MCPH1: variants seen among roughly 807,000 people sequenced by gnomAD.
MCPH1 encodes microcephalin 1.
In MCPH1, 104 loss-of-function variants were observed where a neutral mutation model predicts 84.5. That is an observed-to-expected ratio of 1.23 (90% CI 1.05 to 1.45). MCPH1 has a LOEUF of 1.45. MCPH1 is among the 40% of genes most tolerant of loss of function. The pLI is 0.00. For synonymous variants in MCPH1, 514 were observed against 366.8 expected (o/e 1.40, Z -4.58); for missense variants, 1,498 against 1,005.7 (o/e 1.49, Z -6.62).
intron 3 of MCPH1, among the ~76,000 whole-genome samples, chr8:6,429,314 C>T (rs934152017): frequency 2.6e-5 from 4 of 152,150 alleles, no homozygotes; most frequent in African/African-American, 9.7e-5. Context: ...CCCCATTGGA[C>T]ACAGGGTGGC....
At chr8:6,554,596 T>C (rs1419912455) in intron 12 of MCPH1, among the ~76,000 whole-genome samples, 1 of 152,244 alleles carries the variant, frequency 6.6e-6, no homozygotes, top group Non-Finnish European at 1.5e-5. Flanking sequence ...GTTTTTAAAA[T>C]AGTAAAATAT....
chr8:6,492,636 TTAA>T (rs1367169650), intron 11 of MCPH1, among the ~76,000 whole-genome samples: 2 of 148,238 alleles, frequency 1.3e-5, no homozygotes, highest in Non-Finnish European at 3.0e-5. Flanking sequence ...TAACAATTAT[TTAA>T]TAATATTAAT....
chr8:6,558,453 A>G (rs1057021267), intron 12 of MCPH1, among the ~76,000 whole-genome samples: 1 of 152,174 alleles, frequency 6.6e-6, no homozygotes, highest in Non-Finnish European at 1.5e-5. Flanking sequence ...CAATTATTTT[A>G]TGGATTAAAA....
In MCPH1 at chr8:6,592,614, C is replaced by CTTTTTT. The variant is rs1252024553; in HGVS notation, c.2215-28837_2215-28832dup. On this transcript the variant is annotated intron_variant, in intron 12 of 13. Transcript: ENST00000344683. ...GTCATCTAGGCTCTCGTTTTTCTTT[C>CTTTTTT]TTTTTTTTGTTTTTTTTTTTTTTTT... Among the ~76,000 whole-genome samples, 133 of 65,438 alleles carry CTTTTTT rather than the reference C, an allele frequency of 2.0e-3. 6 individuals are homozygous for CTTTTTT. The highest frequency in any genetic ancestry group is 5.0e-3 in the East Asian group (7 of 1,392). The allele number at this position is 65,438 out of a possible 152,430, so 42.9% of individuals were successfully genotyped here.
intron 8 of MCPH1, among the ~76,000 whole-genome samples, chr8:6,447,689 A>G (rs1804602148): frequency 6.6e-6 from 1 of 152,104 alleles, no homozygotes; most frequent in South Asian, 2.1e-4. Context: ...AACTGGGATT[A>G]CAGGCACCCA....
At chr8:6,447,475 A>T (rs188613879) in intron 8 of MCPH1, 1 of 945,352 alleles carries the variant, frequency 1.1e-6, no homozygotes, top group African/African-American at 1.8e-5. Context: ...AGGCTTCAAA[A>T]ACAAGTTACA....
At chr8:6,624,456 T>C (rs1013213666) in intron 13 of MCPH1, among the ~76,000 whole-genome samples, 1 of 152,196 alleles carries the variant, frequency 6.6e-6, no homozygotes, top group Non-Finnish European at 1.5e-5. Context: ...TCCAGTGTAG[T>C]AGACCTCTCC....
intron 12 of MCPH1, among the ~76,000 whole-genome samples, chr8:6,534,029 C>T (rs1820036200): frequency 6.6e-6 from 1 of 152,252 alleles, no homozygotes; most frequent in South Asian, 2.1e-4. Context: ...TGCCCCACTT[C>T]TCTAAGCTCC....
chr8:6,599,621 T>G (rs1246926736), intron 12 of MCPH1, among the ~76,000 whole-genome samples: 1 of 152,226 alleles, frequency 6.6e-6, no homozygotes, highest in African/African-American at 2.4e-5. Flanking sequence ...GTTCAGAAGC[T>G]TAGTACACAC....
chr8:6,478,519 A>G (rs891037310), intron 10 of MCPH1, among the ~76,000 whole-genome samples: 11 of 152,352 alleles, frequency 7.2e-5, no homozygotes, highest in African/African-American at 2.6e-4. Flanking sequence ...TTTAAAAATA[A>G]AACTTTTCAT....
intron 9 of MCPH1, among the ~76,000 whole-genome samples, chr8:6,472,744 AG>A (rs1807911357): frequency 6.6e-6 from 1 of 152,218 alleles, no homozygotes; most frequent in Admixed American, 6.5e-5. Flanking sequence ...CTGGAATTAC[AG>A]GGATAAGCCA....
At chr8:6,413,637 T>C (rs908616742) in intron 2 of MCPH1, among the ~76,000 whole-genome samples, 1 of 152,046 alleles carries the variant, frequency 6.6e-6, no homozygotes, top group Non-Finnish European at 1.5e-5. Context: ...TCAACTTCAT[T>C]GTCTGATATT....
At chr8:6,460,567 CTT>C (rs1806166972) in intron 9 of MCPH1, among the ~76,000 whole-genome samples, 1 of 152,120 alleles carries the variant, frequency 6.6e-6, no homozygotes, top group African/African-American at 2.4e-5. Flanking sequence ...TTAATCCTAT[CTT>C]TTATTTATTT....
chr8:6,629,642 A>G (rs1215042721), intron 13 of MCPH1, among the ~76,000 whole-genome samples: 1 of 152,100 alleles, frequency 6.6e-6, no homozygotes, highest in African/African-American at 2.4e-5. Flanking sequence ...GCCCTCCAGA[A>G]CTGTGAAAAA....
intron 12 of MCPH1, among the ~76,000 whole-genome samples, chr8:6,511,331 T>A (rs1237561297): frequency 6.6e-6 from 1 of 152,168 alleles, no homozygotes; most frequent in African/African-American, 2.4e-5. Flanking sequence ...GGGATGATTT[T>A]ATATAACAGT....
At chr8:6,453,130 C>G (rs1488539544) in intron 8 of MCPH1, among the ~76,000 whole-genome samples, 1 of 152,134 alleles carries the variant, frequency 6.6e-6, no homozygotes, top group Non-Finnish European at 1.5e-5. Context: ...AAAGAGTCAT[C>G]CAAGAAGTGG....
intron 3 of MCPH1, among the ~76,000 whole-genome samples, chr8:6,431,183 G>A (rs761277570): frequency 6.6e-6 from 1 of 152,120 alleles, no homozygotes; most frequent in Non-Finnish European, 1.5e-5. Flanking sequence ...CCATTTAATA[G>A]CATTTACCCT....
At chr8:6,503,016 C>G (rs1652127627) in intron 12 of MCPH1, 2 of 1,512,144 alleles carry the variant, frequency 1.3e-6, no homozygotes, top group African/African-American at 1.4e-5. Context: ...TGGAAGAGGA[C>G]ACAGTGCGCA....
At chr8:6,631,106 A>G (rs1199580271) in intron 13 of MCPH1, among the ~76,000 whole-genome samples, 2 of 152,230 alleles carry the variant, frequency 1.3e-5, no homozygotes, top group African/African-American at 4.8e-5. Context: ...AGCCCGCAGG[A>G]AAGTTTTGTG....
Sources: gnomAD v4.1 joint callset for allele counts (sites outside exome capture counted in the v4.1 genomes callset) on GRCh38, gnomAD v4.1.1 for gene constraint, MANE v1.5 for transcripts, NCBI Gene and HGNC (gene_info 2026-07-23, HGNC 2026-07-21) for gene names.